Variants in PRIM2 observed in about 807,000 individuals in gnomAD.
The protein encoded by PRIM2 is DNA primase subunit 2.
PRIM2 carries 39 observed loss-of-function variants against 67.3 expected under a neutral mutation model. The ratio of observed to expected loss-of-function variants is 0.58; its 90% CI spans 0.45 to 0.76. PRIM2 has a LOEUF of 0.76. Ranked by LOEUF, PRIM2 falls within the 30% of genes least tolerant of loss-of-function variation. The pLI is 0.00. For missense variants in PRIM2, 398 were observed against 598.7 expected (o/e 0.66, Z 3.50); for synonymous variants, 143 against 198.7 (o/e 0.72, Z 2.36).
chr6:57,337,036 C>G (rs1259556278), intron 5 of PRIM2, among the ~76,000 whole-genome samples: 2 of 151,602 alleles, frequency 1.3e-5, no homozygotes, highest in African/African-American at 4.8e-5. Context: ...AAATGGAAAA[C>G]AAAAAAAGGC....
At chr6:57,229,336 T>A in the PRIM2 span, among the ~76,000 whole-genome samples, 7 of 152,162 alleles carry the variant, frequency 4.6e-5, no homozygotes, top group Non-Finnish European at 5.9e-5. Context: ...TATTCTACAG[T>A]TTAAATTTAC....
intron 7 of PRIM2, among the ~76,000 whole-genome samples, chr6:57,465,683 A>C (rs1773159065): frequency 6.6e-6 from 1 of 152,102 alleles, no homozygotes; most frequent in African/African-American, 2.4e-5. Context: ...TAAGAAGGGG[A>C]AATAATAGCA....
the PRIM2 span, among the ~76,000 whole-genome samples, chr6:57,235,475 A>AG: frequency 7.2e-5 from 11 of 152,156 alleles, no homozygotes; most frequent in East Asian, 1.7e-3. Context: ...AAAAAAAAAA[A>AG]AATGAAAAAA....
intron 5 of PRIM2, among the ~76,000 whole-genome samples, chr6:57,356,653 T>C (rs914041877): frequency 6.6e-6 from 1 of 152,208 alleles, no homozygotes; most frequent in African/African-American, 2.4e-5. Context: ...GTTGCTAAAC[T>C]GACAGCTATT....
the PRIM2 span, chr6:57,221,885 C>G: frequency 5.2e-5 from 8 of 152,578 alleles, no homozygotes; most frequent in African/African-American, 1.9e-4. Flanking sequence ...ATACCCCTGC[C>G]CACTCCGGAG....
rs1275154590 is a variant in PRIM2, at chr6:57,563,415, T to A, written c.1020+25790T>A. Among the ~76,000 whole-genome samples the A allele has an allele frequency of 1.3e-4, 20 of 151,874 alleles. 1 individual carries two copies. The highest frequency in any genetic ancestry group is 1.8e-4 in the Non-Finnish European group (12 of 67,938). ...GGTTAGTAGAGATTTCCAGTTGAGT[T>A]AGTGTCAGAAAAAGCAGCATTCTGT... On this transcript the variant is annotated intron_variant, in intron 10 of 13. Transcript: ENST00000615550.
intron 7 of PRIM2, among the ~76,000 whole-genome samples, chr6:57,420,267 G>A (rs778224779): frequency 1.3e-5 from 2 of 152,142 alleles, no homozygotes; most frequent in Non-Finnish European, 2.9e-5. Context: ...CACTTTGGGA[G>A]GCCAAGGCGG....
At chr6:57,448,780 T>C (rs1156403522) in intron 7 of PRIM2, among the ~76,000 whole-genome samples, 2 of 152,240 alleles carry the variant, frequency 1.3e-5, no homozygotes, top group Admixed American at 6.5e-5. Flanking sequence ...GCATGACTTA[T>C]AGGGGTGCAT....
chr6:57,237,321 T>G, the PRIM2 span, among the ~76,000 whole-genome samples: 1 of 152,266 alleles, frequency 6.6e-6, no homozygotes, highest in Non-Finnish European at 1.5e-5. Context: ...ATTAGCCCTT[T>G]GTCAGATGGG....
chr6:57,236,982 A>C, the PRIM2 span, among the ~76,000 whole-genome samples: 1 of 152,186 alleles, frequency 6.6e-6, no homozygotes, highest in Non-Finnish European at 1.5e-5. Context: ...TCCTTGAGGA[A>C]TCGCCACACT....
intron 7 of PRIM2, among the ~76,000 whole-genome samples, chr6:57,441,667 A>G (rs1048364530): frequency 6.6e-6 from 1 of 152,234 alleles, no homozygotes; most frequent in African/African-American, 2.4e-5. Context: ...GAACATTTGA[A>G]AAGTTAGGCA....
At chr6:57,599,019 T>G (rs1776416935) in intron 10 of PRIM2, among the ~76,000 whole-genome samples, 1 of 51,610 alleles carries the variant, frequency 1.9e-5, no homozygotes, top group Admixed American at 2.2e-4. Flanking sequence ...CGATCTCGGC[T>G]CACTGCAAGC....
intron 12 of PRIM2, among the ~76,000 whole-genome samples, chr6:57,622,162 A>G (rs1776869389): frequency 6.6e-6 from 1 of 152,174 alleles, no homozygotes; most frequent in South Asian, 2.1e-4. Flanking sequence ...CAGAGTAATA[A>G]TGGTATCGAA....
intron 10 of PRIM2, among the ~76,000 whole-genome samples, chr6:57,558,964 C>CA (rs1359890444): frequency 1.3e-5 from 2 of 151,424 alleles, no homozygotes; most frequent in African/African-American, 4.9e-5. Context: ...TCCCTCTCTC[C>CA]AAAAAAATAA....
chr6:57,300,744 C>T, the PRIM2 span, among the ~76,000 whole-genome samples: 19 of 152,234 alleles, frequency 1.2e-4, no homozygotes, highest in South Asian at 8.3e-4. Context: ...AGTCCCCGGC[C>T]GGGTGCAGTG....
At chr6:57,395,065 A>T in intron 7 of PRIM2, among the ~76,000 whole-genome samples, 1 of 152,182 alleles carries the variant, frequency 6.6e-6, no homozygotes, top group East Asian at 1.9e-4. Flanking sequence ...TCGGTTAGCT[A>T]GTATTTTGTT....
At chr6:57,446,209 C>T (rs538931132) in intron 7 of PRIM2, among the ~76,000 whole-genome samples, 44 of 151,954 alleles carry the variant, frequency 2.9e-4, no homozygotes, top group African/African-American at 8.0e-4. Context: ...GGCCCTTGAG[C>T]ATAGAACAGT....
At chr6:57,415,516 T>C (rs1201935049) in intron 7 of PRIM2, among the ~76,000 whole-genome samples, 2 of 152,078 alleles carry the variant, frequency 1.3e-5, no homozygotes, top group African/African-American at 4.8e-5. Flanking sequence ...CTTCAGTGAG[T>C]TGTAATCTTT....
intron 10 of PRIM2, among the ~76,000 whole-genome samples, chr6:57,581,454 A>G (rs1467074358): frequency 1.3e-5 from 2 of 152,220 alleles, no homozygotes; most frequent in Non-Finnish European, 2.9e-5. Context: ...TTGGCAAATT[A>G]TATTTGGAAG....
Sources: gnomAD v4.1 joint callset for allele counts (sites outside exome capture counted in the v4.1 genomes callset) on GRCh38, gnomAD v4.1.1 for gene constraint, MANE v1.5 for transcripts, NCBI Gene and HGNC (gene_info 2026-07-23, HGNC 2026-07-21) for gene names.